The following FAT1 variants were observed in gnomAD, a reference collection of about 807,000 sequenced individuals.
The protein encoded by FAT1 is FAT atypical cadherin 1.
FAT1 carries 171 observed loss-of-function variants against 329.8 expected under a neutral mutation model. That is an observed-to-expected ratio of 0.52 (90% confidence interval 0.46 to 0.59). FAT1 has a LOEUF of 0.59. FAT1 is among the 20% of genes least tolerant of loss of function. The pLI is 0.00. For synonymous variants in FAT1, 2,233 were observed against 2,228.6 expected, an observed-to-expected ratio of 1.00 and a Z score of -0.06; for missense variants, 5,672 against 5,774.4, an observed-to-expected ratio of 0.98 and a Z score of 0.57.
At chr4:186,691,550 C>T (rs1413837810) in intron 2 of FAT1, among the ~76,000 whole-genome samples, 1 of 152,126 alleles carries the variant, frequency 6.6e-6, no homozygotes, top group African/African-American at 2.4e-5. Context: ...TCTGTAATGT[C>T]AGCGCTTTGG....
chr4:186,610,623 TATAAA>T (rs1295939691), intron 14 of FAT1, among the ~76,000 whole-genome samples: 1 of 127,468 alleles, frequency 7.8e-6, no homozygotes, highest in Non-Finnish European at 1.6e-5. Context: ...ATTATATAAA[TATAAA>T]TTATATAATT....
chr4:186,602,444 A>G (rs908951863), intron 20 of FAT1, among the ~76,000 whole-genome samples: 8 of 152,246 alleles, frequency 5.3e-5, no homozygotes, highest in African/African-American at 2.4e-5. Flanking sequence ...ATCTTTACAC[A>G]TAAGAACAAT....
rs1744750151 is a variant in FAT1, at chr4:186,708,287, T to C, written c.1541A>G (p.His514Arg). 2 of 1,613,984 alleles carry C rather than the reference T, an allele frequency of 1.2e-6. No homozygotes were observed. Among genetic ancestry groups the C allele is most frequent in the Non-Finnish European group, 1.7e-6 (2 of 1,179,902 alleles). ...TGACGTACTCACGGCACCAGTGAAA[T>C]GGTCAATCGCAAACGGCACATGATT... is the stretch of plus-strand genomic sequence containing the variant. ...NLNHVPFAID[H>R]FTGAVSTSEN... The change falls in exon 2 of 27, where the codon CAT (histidine) becomes CGT (arginine). Residue 514 changes from histidine to arginine, a missense_variant. This residue lies in a region of FAT1 where 3,966 missense variants were observed against 3,915.2 expected (regional missense o/e 1.01). Transcript: ENST00000441802.
chr4:186,698,790 A>G (rs1199349699), intron 2 of FAT1, among the ~76,000 whole-genome samples: 2 of 152,246 alleles, frequency 1.3e-5, no homozygotes, highest in Non-Finnish European at 2.9e-5. Context: ...GTGCGATGGG[A>G]GACAGTGAAA....
In FAT1 at chr4:186,693,100, A is replaced by G. The variant is rs537518549; in HGVS notation, c.3265+13463T>C. Among the ~76,000 whole-genome samples, 3 of 152,354 alleles carry G rather than the reference A, an allele frequency of 2.0e-5. No individual in the cohort carries two copies. The South Asian group carries it at 6.2e-4, about 32-fold the overall frequency. ...TAGTTTAAATGGAAATGTGCTAAAAATAACTTGAAGATATACTGTAATGCC... is the reference window on the plus strand; with the variant it reads ...TAGTTTAAATGGAAATGTGCTAAAAGTAACTTGAAGATATACTGTAATGCC... On this transcript the variant is annotated intron_variant, in intron 2 of 26. Coordinates refer to ENST00000441802, the MANE Select transcript of FAT1 (RefSeq NM_005245.4).
At chr4:186,690,619 C>T (rs1206023930) in intron 2 of FAT1, among the ~76,000 whole-genome samples, 1 of 152,014 alleles carries the variant, frequency 6.6e-6, no homozygotes, top group African/African-American at 2.4e-5. Flanking sequence ...ATCACTTGAA[C>T]CCAGGAGTTG....
chr4:186,627,353 C>G (rs1008170714), intron 9 of FAT1, among the ~76,000 whole-genome samples: 2 of 151,150 alleles, frequency 1.3e-5, no homozygotes, highest in Non-Finnish European at 3.0e-5. Flanking sequence ...ACACATAAAA[C>G]GAGCTTCATC....
chr4:186,643,559 T>A (rs1014874537), intron 3 of FAT1, among the ~76,000 whole-genome samples: 3 of 152,046 alleles, frequency 2.0e-5, no homozygotes, highest in Admixed American at 1.3e-4. Flanking sequence ...CCTGTGGGAT[T>A]TTCATACAAA....
At chr4:186,659,552 C>T (rs7672047) in intron 3 of FAT1, among the ~76,000 whole-genome samples, 48,965 of 151,578 alleles carry the variant, frequency 0.32, 8,935 homozygotes, top group South Asian at 0.47. Context: ...CAAGAGGAAG[C>T]GGCTGTGGCA....
chr4:186,612,670 T>C (rs1739501491), intron 13 of FAT1, among the ~76,000 whole-genome samples: 1 of 152,360 alleles, frequency 6.6e-6, no homozygotes. Context: ...GAAGAAGTTA[T>C]TCTCTGCTAT....
chr4:186,603,488 T>C lies in FAT1; in HGVS notation c.11038A>G (p.Ile3680Val), dbSNP rs1738921770. 3.7e-6 allele frequency: 6 copies of C among 1,613,950 alleles called. No individual in the cohort carries two copies. In the East Asian group the frequency reaches 1.3e-4, roughly 36 times the overall value. Reference protein sequence around the residue: ...ILGVRRNDIQIVSLQSSEPHP... With the variant: ...ILGVRRNDIQVVSLQSSEPHP... ...GGTTCAGAGGACTGCAAACTAACAATCTGTATGTCGTTCCTCCTCACACCC... is the reference window on the plus strand; with the variant it reads ...GGTTCAGAGGACTGCAAACTAACAACCTGTATGTCGTTCCTCCTCACACCC... Residue 3680 changes from isoleucine to valine, a missense_variant, in exon 19 of 27, where the codon ATT becomes GTT. Physicochemically the swap from Ile to Val is conservative, Grantham distance 29. Around this residue, in one of 2 missense-constraint regions of FAT1, gnomAD observed 1,706 missense variants for 1,859.1 expected, o/e 0.92. Coordinates refer to ENST00000441802, the MANE Select transcript of FAT1 (RefSeq NM_005245.4).
Position 186,619,477 on chromosome 4 carries a change from A to C in FAT1, c.7109T>G (p.Leu2370Arg). The C allele has an allele frequency of 6.2e-7, 1 of 1,613,964 alleles. No homozygotes were observed. Among genetic ancestry groups the C allele is most frequent in the Non-Finnish European group, 8.5e-7 (1 of 1,179,880 alleles). Residue 2370 changes from leucine to arginine, a missense_variant, in exon 10 of 27, where the codon CTG becomes CGG. By Grantham distance (102) the Leu-to-Arg change is moderately radical (BLOSUM62 -2). Around this residue, in one of 2 missense-constraint regions of FAT1, gnomAD observed 3,966 missense variants for 3,915.2 expected, o/e 1.01. Coordinates refer to ENST00000441802, the MANE Select transcript of FAT1 (RefSeq NM_005245.4). The part of the protein sequence containing the change: ...VRAVDGGMPT[L>R]SSDVIVTVDV... ...CACCGTGACAATCACATCACTGCTC[A>C]GCGTGGGCATACCACCATCAACTGC...
chr4:186,603,789 G>T lies in FAT1; in HGVS notation c.10737C>A (p.Thr3579=), dbSNP rs1477237797. The T allele has an allele frequency of 6.2e-7, 1 of 1,613,942 alleles. No individual in the cohort carries two copies. The highest frequency in any genetic ancestry group is 2.2e-5 in the East Asian group (1 of 44,866). Residue 3579 remains threonine (T), a synonymous_variant, in exon 19 of 27, where the codon ACC becomes ACA. Transcript: ENST00000441802. ...TGTCCATCTGAGGGTCGAGACTGTA[G>T]GTTAGAGTATCATACACGTCCTGGT... ...ATDQDVYDTL[T]YSLDPQMDNL... is the part of the protein sequence containing the mutation.
chr4:186,691,556 T>C (rs77818199), intron 2 of FAT1, among the ~76,000 whole-genome samples: 5,990 of 152,254 alleles, frequency 0.039, 167 homozygotes, highest in Non-Finnish European at 0.065. Context: ...ATGTCAGCGC[T>C]TTGGGAGGCC....
chr4:186,614,083 T>C, intron 12 of FAT1, 108 bp downstream of exon 12: 3 of 999,414 alleles, frequency 3.0e-6, no homozygotes, highest in Non-Finnish European at 4.4e-6. Flanking sequence ...CAGAATACAT[T>C]TGAAAAGGGC....
intron 3 of FAT1, among the ~76,000 whole-genome samples, chr4:186,641,780 G>A (rs1225767014): frequency 1.3e-5 from 2 of 152,064 alleles, no homozygotes; most frequent in Non-Finnish European, 2.9e-5. Context: ...GCTGAGGCAG[G>A]CGGATCACCT....
chr4:186,644,267 T>C (rs1270193124), intron 3 of FAT1, among the ~76,000 whole-genome samples: 2 of 152,202 alleles, frequency 1.3e-5, no homozygotes, highest in African/African-American at 2.4e-5. Context: ...TCATTAGTCA[T>C]TTAATAGATC....
rs369191197 is a variant in FAT1 at position 186,611,657 on chromosome 4, T to A, written c.9582A>T (p.Val3194=). ...EKPLDRELQA[V]YTLSLKAVDQ... ...CCACAGCTTTCAAAGAGAGGGTGTATACTGCCTGGAGTTCTCTGTCCAAAG... is the reference window on the plus strand; with the variant it reads ...CCACAGCTTTCAAAGAGAGGGTGTAAACTGCCTGGAGTTCTCTGTCCAAAG... The change falls in exon 14 of 27, where the codon GTA becomes GTT. Residue 3194 remains valine (V), a synonymous_variant. Transcript: ENST00000441802. 6.2e-7 allele frequency: 1 copy of A among 1,612,772 alleles called. No homozygotes were observed. The highest frequency in any genetic ancestry group is 2.2e-5 in the East Asian group (1 of 44,874).
rs1387090183 is a variant in FAT1, at chr4:186,664,492, C to T, written c.3266-879G>A. Among the ~76,000 whole-genome samples the T allele has an allele frequency of 1.3e-4, 20 of 152,142 alleles. No individual in the cohort carries two copies. The East Asian group carries it at 3.7e-3, about 28-fold the overall frequency. ...GTATAGAAAAGTCCTCAACTGGGACCCAAACTAGGATACATTTCTTAGTAA... is the reference window on the plus strand; with the variant it reads ...GTATAGAAAAGTCCTCAACTGGGACTCAAACTAGGATACATTTCTTAGTAA... On this transcript the variant is annotated intron_variant, in intron 2 of 26. Transcript: ENST00000441802.
Sources: gnomAD v4.1 joint callset for allele counts (sites outside exome capture counted in the v4.1 genomes callset) on GRCh38, gnomAD v4.1.1 for gene constraint, gnomAD v4.1.1 regional missense constraint, MANE v1.5 for transcripts, NCBI Gene and HGNC (gene_info 2026-07-23, HGNC 2026-07-21) for gene names.